CNOT1: variants seen among roughly 807,000 people sequenced by gnomAD.
CNOT1 encodes the protein CCR4-NOT transcription complex subunit 1.
In CNOT1, 15 loss-of-function variants were observed where a neutral mutation model predicts 273.8. The ratio of observed to expected loss-of-function variants is 0.05; its 90% CI spans 0.04 to 0.08. CNOT1 has a LOEUF of 0.08. Ranked by LOEUF, CNOT1 falls within the 10% of genes least tolerant of loss-of-function variation. CNOT1 has a pLI of 1.00. For synonymous variants in CNOT1, 1,022 were observed against 1,005.5 expected (o/e 1.02, Z -0.31); for missense variants, 1,644 against 2,912.2 (o/e 0.56, Z 10.02).
intron 47 of CNOT1, 82 bp from the exon 48 acceptor site, chr16:58,521,399 T>C: frequency 7.1e-7 from 1 of 1,402,522 alleles, no homozygotes; most frequent in East Asian, 2.3e-5. Context: ...TTTTCTAACT[T>C]CTCCCTGACT....
At chr16:58,605,749 C>A (rs182357574) in intron 1 of CNOT1, among the ~76,000 whole-genome samples, 9 of 152,252 alleles carry the variant, frequency 5.9e-5, no homozygotes, top group African/African-American at 2.2e-4. Context: ...ACCGCAGCCT[C>A]CCTGACTCAG....
In CNOT1 at chr16:58,604,666, G is replaced by A. The variant is rs1387151991; in HGVS notation, c.-174-5155C>T. ...TACAAAATTAGCCGGGCGTGGTGGTGCCTGCCTGTAATCCCAGCTACTTGG... is the reference window on the plus strand; with the variant it reads ...TACAAAATTAGCCGGGCGTGGTGGTACCTGCCTGTAATCCCAGCTACTTGG... On this transcript the variant is annotated intron_variant, in intron 1 of 48. Transcript: ENST00000317147. Among the ~76,000 whole-genome samples the A allele has an allele frequency of 2.5e-4, 37 of 150,018 alleles. 1 individual carries two copies. Among genetic ancestry groups the A allele is most frequent in the Admixed American group, 2.0e-3 (30 of 14,986 alleles).
intron 1 of CNOT1, among the ~76,000 whole-genome samples, chr16:58,602,049 C>A (rs2042485159): frequency 6.6e-6 from 1 of 151,776 alleles, no homozygotes; most frequent in South Asian, 2.1e-4. Context: ...TAGTAATCTA[C>A]TTCAGTCCTT....
At chr16:58,523,559 C>A in intron 46 of CNOT1, 57 bp from the exon 47 acceptor site, 1 of 1,565,104 alleles carries the variant, frequency 6.4e-7, no homozygotes, top group Non-Finnish European at 8.7e-7. Flanking sequence ...CATGGGAAGA[C>A]AGTTCTAACT....
At chr16:58,627,689 T>A (rs1212965185) in intron 1 of CNOT1, among the ~76,000 whole-genome samples, 2 of 152,060 alleles carry the variant, frequency 1.3e-5, no homozygotes, top group Non-Finnish European at 2.9e-5. Flanking sequence ...CCCGGGGTGT[T>A]AAGCTGGGAA....
At chr16:58,618,161 G>T (rs1597612126) in intron 1 of CNOT1, among the ~76,000 whole-genome samples, 1 of 152,126 alleles carries the variant, frequency 6.6e-6, no homozygotes. Flanking sequence ...GTGGTGGATT[G>T]TGTACTTGCA....
intron 2 of CNOT1, among the ~76,000 whole-genome samples, chr16:58,589,685 G>A (rs111491493): frequency 1.3e-5 from 2 of 152,014 alleles, no homozygotes; most frequent in South Asian, 4.1e-4. Context: ...ACAATTTTAC[G>A]TAACTCAAAT....
intron 17 of CNOT1, among the ~76,000 whole-genome samples, chr16:58,558,990 C>T (rs1288406731): frequency 6.6e-6 from 1 of 152,184 alleles, no homozygotes; most frequent in Non-Finnish European, 1.5e-5. Flanking sequence ...ACCAGATATC[C>T]TAACAATCCC....
chr16:58,534,067 TA>T, intron 40 of CNOT1, 79 bp downstream of exon 40: 1 of 1,238,468 alleles, frequency 8.1e-7, no homozygotes, highest in Non-Finnish European at 1.0e-6. Context: ...AGAAACAATA[TA>T]AAAAATAATA....
rs114531671 is a variant in CNOT1 at position 58,558,754 on chromosome 16, C to T, written c.2131-80G>A. 280 of 1,532,812 alleles carry T rather than the reference C, an allele frequency of 1.8e-4. No individual in the cohort carries two copies. The African/African-American group carries it at 3.5e-3, about 19-fold the overall frequency. 95.0% of individuals were successfully genotyped at this position (1,532,812 alleles called of 1,614,324 possible). ...CATGTAAAGCAATCTTTAACAACAG[C>T]TCTTCATAATCTTAAAAAGCAAACT... is the stretch of plus-strand genomic sequence containing the variant. On this transcript the variant is annotated intron_variant, in intron 17 of 48. Coordinates refer to ENST00000317147, the MANE Select transcript of CNOT1 (RefSeq NM_016284.5).
At chr16:58,590,761 T>C (rs1392958839) in intron 2 of CNOT1, among the ~76,000 whole-genome samples, 2 of 152,198 alleles carry the variant, frequency 1.3e-5, no homozygotes, top group East Asian at 1.9e-4. Flanking sequence ...AGCAGCACCC[T>C]GTCTCAATAA....
chr16:58,573,420 C>G (rs1029197625), intron 16 of CNOT1, among the ~76,000 whole-genome samples: 1 of 151,538 alleles, frequency 6.6e-6, no homozygotes, highest in Non-Finnish European at 1.5e-5. Context: ...AGTACTCCCC[C>G]AAATGAGCTA....
At chr16:58,534,008 G>A (rs2151907203) in intron 40 of CNOT1, 139 bp downstream of exon 40, 1 of 1,109,548 alleles carries the variant, frequency 9.0e-7, no homozygotes. Flanking sequence ...TGTATTCCCA[G>A]CTACTTCGGA....
At chr16:58,574,474 T>C (rs1356888380) in intron 16 of CNOT1, 135 bp downstream of exon 16, 2 of 785,344 alleles carry the variant, frequency 2.5e-6, no homozygotes, top group Non-Finnish European at 3.8e-6. Flanking sequence ...TCATAAATAG[T>C]ATAGGACTTT....
intron 34 of CNOT1, 80 bp from the exon 35 acceptor site, chr16:58,540,039 C>T: frequency 7.0e-7 from 1 of 1,421,012 alleles, no homozygotes; most frequent in Non-Finnish European, 9.5e-7. Context: ...AAATAGAGGT[C>T]TACTAGTATG....
chr16:58,600,394 T>C (rs1013232927), intron 1 of CNOT1, among the ~76,000 whole-genome samples: 20 of 152,148 alleles, frequency 1.3e-4, no homozygotes, highest in African/African-American at 4.8e-4. Context: ...ACACTTAAGA[T>C]TTCTATTTTA....
intron 8 of CNOT1, among the ~76,000 whole-genome samples, 176 bp downstream of exon 8, chr16:58,585,162 C>A (rs2041794549): frequency 1.3e-5 from 2 of 152,184 alleles, no homozygotes; most frequent in Admixed American, 1.3e-4. Flanking sequence ...AAACATTTAA[C>A]ACCCAGGATG....
In CNOT1 at chr16:58,519,969, T is replaced by C. The variant is rs1450586839; in HGVS notation, c.*989A>G. On this transcript the variant is annotated 3_prime_UTR_variant, in exon 49 of 49. Transcript: ENST00000317147. ...ACTCATGTGTGTGTCATGACTTTAA[T>C]GGTTAGCTACAGTATGCATACACAT... The C allele has an allele frequency of 1.3e-5, 2 of 152,152 alleles. No individual in the cohort carries two copies. The highest frequency in any genetic ancestry group is 4.8e-5 in the African/African-American group (2 of 41,418). 9.4% of individuals were successfully genotyped at this position (152,152 alleles called of 1,614,324 possible). A position where few individuals can be genotyped will look rare whatever the true frequency, so the allele number is the denominator to read the frequency against.
At chr16:58,612,243 T>C (rs777687794) in intron 1 of CNOT1, among the ~76,000 whole-genome samples, 2 of 152,258 alleles carry the variant, frequency 1.3e-5, no homozygotes, top group South Asian at 2.1e-4. Context: ...AGAAGACAAG[T>C]AGGCAAGACC....
Sources: allele counts gnomAD v4.1 joint callset (sites outside exome capture counted in the v4.1 genomes callset), GRCh38; gene constraint gnomAD v4.1.1; transcripts MANE v1.5; gene names NCBI Gene and HGNC (gene_info 2026-07-23, HGNC 2026-07-21).